The following TIAM2 variants were observed in gnomAD, a reference collection of about 807,000 sequenced individuals.
The protein encoded by TIAM2 is TIAM Rac1 associated GEF 2, also known as rho guanine nucleotide exchange factor TIAM2.
TIAM2 carries 80 observed loss-of-function variants against 152.9 expected under a neutral mutation model. The ratio of observed to expected loss-of-function variants is 0.52; its 90% CI spans 0.44 to 0.63. The LOEUF is 0.63. Ranked by LOEUF, TIAM2 falls within the 30% of genes least tolerant of loss-of-function variation. The pLI is 0.00. For missense variants in TIAM2, 1,965 were observed against 2,120.1 expected, an observed-to-expected ratio of 0.93 and a Z score of 1.44; for synonymous variants, 804 against 838.0, an observed-to-expected ratio of 0.96 and a Z score of 0.70.
Position 155,156,151 on chromosome 6 carries a change from TGAG to T in TIAM2, c.2028+7821_2028+7823del, listed in dbSNP as rs1395986642. Among the ~76,000 whole-genome samples the T allele has an allele frequency of 6.6e-6, 1 of 151,734 alleles. No individual in the cohort carries two copies. Among genetic ancestry groups the T allele is most frequent in the Non-Finnish European group, 1.5e-5 (1 of 67,942 alleles). On this transcript the variant is annotated intron_variant, in intron 7 of 26. Coordinates refer to ENST00000682666, the MANE Select transcript of TIAM2 (RefSeq NM_012454.4). This position sits in a 1 kb window ranked among gnomAD's most constrained non-coding sequence, Gnocchi z 4.4. ...GGAGGCCAAGTTGCTTCTTGAAAAA[TGAG>T]GAGTTTACCGGGAGAATAGAGAGGG...
Position 155,029,409 on chromosome 6 carries a change from AATATATACT to A in TIAM2, c.-209+33930_-209+33938del, listed in dbSNP as rs1278221307. On this transcript the variant is annotated intron_variant, in intron 1 of 26. Coordinates refer to ENST00000682666, the MANE Select transcript of TIAM2 (RefSeq NM_012454.4). The stretch of plus-strand genomic sequence containing the variant: ...GTTATATATATACTATAGTATATAT[AATATATACT>A]ATATATACTATAGTATATATTATAC... 3.2e-4 allele frequency among the ~76,000 whole-genome samples: 28 copies of A among 86,194 alleles called. 2 individuals carry two copies. Among genetic ancestry groups the A allele is most frequent in the African/African-American group, 1.2e-3 (27 of 21,778 alleles). The allele number at this position is 86,194 out of a possible 152,430, so 56.5% of individuals were successfully genotyped here. A position where few individuals can be genotyped will look rare whatever the true frequency, so the allele number is the denominator to read the frequency against.
chr6:155,253,163 T>C, intron 24 of TIAM2, 110 bp downstream of exon 24: 1 of 897,626 alleles, frequency 1.1e-6, no homozygotes. Flanking sequence ...TTTTATTTTA[T>C]AGACAAGGAA....
At chr6:155,047,336 C>A (rs963190292) in intron 1 of TIAM2, among the ~76,000 whole-genome samples, 1 of 152,084 alleles carries the variant, frequency 6.6e-6, no homozygotes, top group African/African-American at 2.4e-5. Context: ...CGCGCCACCA[C>A]ACCCGGCTAA....
chr6:155,234,495 T>G (rs1189389416), intron 15 of TIAM2, among the ~76,000 whole-genome samples: 1 of 152,234 alleles, frequency 6.6e-6, no homozygotes, highest in Non-Finnish European at 1.5e-5. Context: ...CTTGACCTCC[T>G]GGGCTCAAGC....
At chr6:155,000,514 A>G (rs1263979219) in intron 1 of TIAM2, among the ~76,000 whole-genome samples, 1 of 136,870 alleles carries the variant, frequency 7.3e-6, no homozygotes, top group Admixed American at 7.7e-5. Context: ...CTGGGCAACA[A>G]GAGGGAAACT....
chr6:155,162,781 A>G (rs1357128419), intron 7 of TIAM2, among the ~76,000 whole-genome samples: 1 of 152,224 alleles, frequency 6.6e-6, no homozygotes, highest in Non-Finnish European at 1.5e-5. Context: ...GGCTGATACC[A>G]GTAGGCCACC....
rs200977411 is a variant in TIAM2 at position 155,148,201 on chromosome 6, C to T, written c.1895C>T (p.Thr632Met). The change falls in exon 7 of 27, where the codon ACG becomes ATG. Residue 632 changes from threonine to methionine, a missense_variant. Coordinates refer to ENST00000682666, the MANE Select transcript of TIAM2 (RefSeq NM_012454.4). ...LFAKKHGKED[T>M]LRLLKNQTKN... ...GCAAAGAAGCATGGGAAAGAGGACA[C>T]GCTGCGGCTGCTGAAGAACCAGACC... 1.4e-5 allele frequency: 23 copies of T among 1,613,362 alleles called. No homozygotes were observed. Among genetic ancestry groups the T allele is most frequent in the East Asian group, 2.2e-5 (1 of 44,876 alleles).
At chr6:155,229,846 T>C (rs1583266409) in intron 15 of TIAM2, among the ~76,000 whole-genome samples, 2 of 152,208 alleles carry the variant, frequency 1.3e-5, no homozygotes. Flanking sequence ...CAAAGTCACA[T>C]CTTACATGGC....
At position 155,250,988 on chromosome 6, in the gene TIAM2, A is replaced by G; in HGVS notation, c.4027A>G (p.Lys1343Glu). The change falls in exon 22 of 27, where the codon AAA (lysine) becomes GAA (glutamate). Residue 1343 changes from lysine to glutamate, a missense_variant. Lys to Glu is a moderately conservative substitution (Grantham distance 56). Coordinates refer to ENST00000682666, the MANE Select transcript of TIAM2 (RefSeq NM_012454.4). ...SWLNPFLSLGKARKDLELTVF... is the reference protein window; with the variant it reads ...SWLNPFLSLGEARKDLELTVF... Reference sequence around the variant, plus strand: ...GTTGAATCCATTTCTGTCTCTAGGAAAAGCTAGAAAGGACCTTGAGCTCAC... The same window carrying G: ...GTTGAATCCATTTCTGTCTCTAGGAGAAGCTAGAAAGGACCTTGAGCTCAC... The G allele has an allele frequency of 6.2e-7, 1 of 1,614,184 alleles. No individual in the cohort carries two copies. The highest frequency in any genetic ancestry group is 8.5e-7 in the Non-Finnish European group (1 of 1,180,018).
intron 7 of TIAM2, among the ~76,000 whole-genome samples, chr6:155,153,488 C>T (rs777685418): frequency 3.3e-5 from 5 of 152,012 alleles, no homozygotes; most frequent in East Asian, 3.9e-4. Flanking sequence ...TTCTCCTCAC[C>T]GTATTGCACT....
At chr6:155,178,953 CTACTTTGATTTT>C (rs768582620) in intron 10 of TIAM2, 74 bp from the exon 11 acceptor site, 57 of 1,081,600 alleles carry the variant, frequency 5.3e-5, no homozygotes, top group Non-Finnish European at 7.6e-5. Flanking sequence ...TTAGAGATTT[CTACTTTGATTTT>C]TAATAAGCCT....
chr6:155,252,380 G>A (rs1280408271), intron 23 of TIAM2, among the ~76,000 whole-genome samples: 1 of 152,134 alleles, frequency 6.6e-6, no homozygotes, highest in African/African-American at 2.4e-5. Context: ...GAGGCAGGAG[G>A]ATCAATTGAG....
At chr6:154,998,393 T>G (rs984400587) in intron 1 of TIAM2, among the ~76,000 whole-genome samples, 8 of 152,210 alleles carry the variant, frequency 5.3e-5, no homozygotes, top group Non-Finnish European at 8.8e-5. Flanking sequence ...TCTGATTTAT[T>G]TAGGATCTCC....
intron 14 of TIAM2, among the ~76,000 whole-genome samples, chr6:155,193,492 T>G (rs1372467752): frequency 1.3e-5 from 2 of 152,254 alleles, no homozygotes; most frequent in Non-Finnish European, 2.9e-5. Context: ...CTGATTTTTG[T>G]TGGACAGTTT....
In TIAM2 at chr6:155,060,169, C is replaced by T. The variant is rs540249850; in HGVS notation, c.-208-30120C>T. On this transcript the variant is annotated intron_variant, in intron 1 of 26. Coordinates refer to ENST00000682666, the MANE Select transcript of TIAM2 (RefSeq NM_012454.4). ...CTGTAATCCCAGCACTTTGGGAGGC[C>T]GAGGTGGGCAAATCACCTGAGGTTG... 5.3e-4 allele frequency among the ~76,000 whole-genome samples: 80 copies of T among 152,206 alleles called. 1 individual carries two copies. The South Asian group carries it at 0.016, about 30-fold the overall frequency.
chr6:155,234,488 G>A (rs1032019281), intron 15 of TIAM2, among the ~76,000 whole-genome samples: 7 of 152,154 alleles, frequency 4.6e-5, no homozygotes, highest in African/African-American at 1.7e-4. Flanking sequence ...GGATAGTCTT[G>A]ACCTCCTGGG....
At chr6:155,019,815 G>C (rs995699298) in intron 1 of TIAM2, among the ~76,000 whole-genome samples, 4 of 152,218 alleles carry the variant, frequency 2.6e-5, no homozygotes, top group Admixed American at 2.0e-4. Context: ...AGCACTTTGG[G>C]AGGCCGAGGC....
chr6:155,127,482 T>C lies in TIAM2; in HGVS notation c.-117-8T>C, dbSNP rs1305383144. The C allele has an allele frequency of 2.3e-6, 1 of 434,918 alleles. No homozygotes were observed. Among genetic ancestry groups the C allele is most frequent in the East Asian group, 7.2e-5 (1 of 13,962 alleles). The allele number at this position is 434,918 out of a possible 1,614,324, so 26.9% of individuals were successfully genotyped here. On this transcript the variant is annotated splice_polypyrimidine_tract_variant and splice_region_variant and intron_variant, in intron 2 of 26. Coordinates refer to ENST00000682666, the MANE Select transcript of TIAM2 (RefSeq NM_012454.4). ...TTCACAGAGTTTTCTTGCGTTTCTG[T>C]TTTTCAGGCTCACTTCATGGACTCA...
At chr6:155,242,414 A>G (rs112090420) in intron 16 of TIAM2, among the ~76,000 whole-genome samples, 3,210 of 152,330 alleles carry the variant, frequency 0.021, 55 homozygotes, top group African/African-American at 0.032. Context: ...TCCCTGAGAT[A>G]TGATTCAGTA....
Sources: gnomAD v4.1 joint callset for allele counts (sites outside exome capture counted in the v4.1 genomes callset) on GRCh38, gnomAD v4.1.1 for gene constraint, Gnocchi (gnomAD v3.1) non-coding constraint, MANE v1.5 for transcripts, NCBI Gene and HGNC (gene_info 2026-07-23, HGNC 2026-07-21) for gene names.